The following SERPINF1 variants were observed in gnomAD, a reference collection of about 807,000 sequenced individuals.
SERPINF1 encodes the protein pigment epithelium-derived factor.
A neutral mutation model predicts 37.3 loss-of-function variants in SERPINF1; 29 were observed. That is an observed-to-expected ratio of 0.78 (90% CI 0.58 to 1.06). The LOEUF is 1.06. SERPINF1 is among the 50% of genes least tolerant of loss of function. The pLI, the probability that SERPINF1 is intolerant of heterozygous loss-of-function variation, is 0.00. For synonymous variants in SERPINF1, 281 were observed against 227.9 expected (o/e 1.23, Z -2.10); for missense variants, 553 against 532.2 (o/e 1.04, Z -0.38).
rs12103619 is a variant in SERPINF1 at position 1,777,483 on chromosome 17, C to G, written c.*37C>G. On this transcript the variant is annotated 3_prime_UTR_variant, in exon 8 of 8. Coordinates refer to ENST00000254722, the MANE Select transcript of SERPINF1 (RefSeq NM_002615.7). ...AATATTCCAATACCCTAGAAGAAAACCCGAGGGACAGCAGATTCCACAGGA... is the reference window on the plus strand; with the variant it reads ...AATATTCCAATACCCTAGAAGAAAAGCCGAGGGACAGCAGATTCCACAGGA... 2.8e-4 allele frequency: 447 copies of G among 1,613,486 alleles called. No individual in the cohort carries two copies. In the African/African-American group the frequency reaches 5.2e-3, roughly 19 times the overall value.
At chr17:1,764,001 G>A (rs1314054872) in intron 1 of SERPINF1, among the ~76,000 whole-genome samples, 1 of 152,226 alleles carries the variant, frequency 6.6e-6, no homozygotes, top group African/African-American at 2.4e-5. Flanking sequence ...TGGCCAACAC[G>A]GTGAAACCCC....
intron 6 of SERPINF1, 147 bp from the exon 7 acceptor site, chr17:1,776,384 TG>T: frequency 4.0e-6 from 3 of 756,744 alleles, no homozygotes; most frequent in Non-Finnish European, 7.0e-6. Flanking sequence ...AGCTATAACC[TG>T]GAAGGGGAAT....
At chr17:1,770,942 A>T in intron 3 of SERPINF1, 87 bp from the exon 4 acceptor site, 2 of 1,539,396 alleles carry the variant, frequency 1.3e-6, no homozygotes, top group Non-Finnish European at 1.8e-6. Context: ...GACAAAAAAG[A>T]TGAGTATAGT....
chr17:1,773,780 T>C (rs1168430236), intron 5 of SERPINF1, among the ~76,000 whole-genome samples: 2 of 152,172 alleles, frequency 1.3e-5, no homozygotes, highest in African/African-American at 2.4e-5. Context: ...TTGGAGCTTG[T>C]TCCACGGGTC....
chr17:1,769,934 C>A lies in SERPINF1; in HGVS notation c.167C>A (p.Ala56Glu). 1 of 1,614,194 alleles carries A rather than the reference C, an allele frequency of 6.2e-7. No homozygotes were observed. The highest frequency in any genetic ancestry group is 8.5e-7 in the Non-Finnish European group (1 of 1,180,040). ...AAAGTCCCCGTGAACAAGCTGGCAG[C>A]GGCTGTCTCCAACTTCGGCTATGAC... Reference protein sequence around the residue: ...FFKVPVNKLAAAVSNFGYDLY... With the variant: ...FFKVPVNKLAEAVSNFGYDLY... The change falls in exon 3 of 8, where the codon GCG (alanine) becomes GAG (glutamate). Residue 56 changes from alanine (A) to glutamate (E), a missense_variant. Coordinates refer to ENST00000254722, the MANE Select transcript of SERPINF1 (RefSeq NM_002615.7).
chr17:1,768,299 G>C (rs986610643), intron 2 of SERPINF1, among the ~76,000 whole-genome samples: 15 of 151,486 alleles, frequency 9.9e-5, no homozygotes, highest in East Asian at 3.9e-4. Flanking sequence ...GGTGTGGTGG[G>C]GGGCGCCTGT....
At chr17:1,775,312 G>C (rs1250428838) in intron 6 of SERPINF1, 112 bp downstream of exon 6, 1 of 1,112,646 alleles carries the variant, frequency 9.0e-7, no homozygotes, top group East Asian at 2.4e-5. Context: ...TCTACATGTC[G>C]CCTGCTGTGT....
intron 7 of SERPINF1, 26 bp downstream of exon 7, chr17:1,776,768 T>C (rs1908059904): frequency 1.9e-6 from 3 of 1,608,996 alleles, no homozygotes; most frequent in Non-Finnish European, 2.6e-6. Context: ...CTTTCGCTCT[T>C]GGTGGGTGGA....
chr17:1,774,115 A>T (rs1328024288), intron 5 of SERPINF1, among the ~76,000 whole-genome samples: 1 of 152,142 alleles, frequency 6.6e-6, no homozygotes, highest in Non-Finnish European at 1.5e-5. Flanking sequence ...AATCCAGAGG[A>T]CCTCAGAGGT....
At chr17:1,767,083 A>G in intron 2 of SERPINF1, 89 bp downstream of exon 2, 3 of 1,164,168 alleles carry the variant, frequency 2.6e-6, no homozygotes, top group South Asian at 1.4e-5. Context: ...ACCCGGACCC[A>G]GGTTCCAGGC....
intron 4 of SERPINF1, chr17:1,771,574 G>T (rs964222903): frequency 2.7e-5 from 13 of 481,328 alleles, no homozygotes; most frequent in Non-Finnish European, 4.9e-5. Flanking sequence ...CCCAGGCCTG[G>T]CCTGGCACTG....
At position 1,762,068 on chromosome 17, in the gene SERPINF1, G is replaced by C. The variant is rs1235015122; in HGVS notation, c.-54G>C. 6.6e-6 allele frequency: 1 copy of C among 152,508 alleles called. No homozygotes were observed. The highest frequency in any genetic ancestry group is 1.9e-4 in the East Asian group (1 of 5,222). The allele number at this position is 152,508 out of a possible 1,614,324, so 9.4% of individuals were successfully genotyped here. ...CTGGCTGGAGCCCCCTCAGTGTGCA[G>C]GCTTAGAGGGACTAGGCTGGGTGTG... On this transcript the variant is annotated 5_prime_UTR_variant, in exon 1 of 8. Coordinates refer to ENST00000254722, the MANE Select transcript of SERPINF1 (RefSeq NM_002615.7).
In SERPINF1 at chr17:1,776,729, C is replaced by T; in HGVS notation, c.984C>T (p.Ser328=). The T allele has an allele frequency of 6.2e-7, 1 of 1,612,902 alleles. No homozygotes were observed. The highest frequency in any genetic ancestry group is 8.5e-7 in the Non-Finnish European group (1 of 1,179,562). The change falls in exon 7 of 8, where the codon TCC becomes TCT. Residue 328 remains serine, a synonymous_variant. Transcript: ENST00000254722. ...GTTATGAAGGCGAAGTCACCAAGTC[C>T]CTGCAGGAGATGAGTATGTCTGAAG... The part of the protein sequence containing the change: ...KLSYEGEVTK[S]LQEMKLQSLF...
Position 1,771,990 on chromosome 17 carries a change from G to A in SERPINF1, c.558G>A (p.Ala186=), listed in dbSNP as rs537831302. ...AAGAGATCAACAACTGGGTGCAGGCGCAGATGAAAGGGAAGCTCGCCAGGT... is the reference window on the plus strand; with the variant it reads ...AAGAGATCAACAACTGGGTGCAGGCACAGATGAAAGGGAAGCTCGCCAGGT... ...DLQEINNWVQ[A]QMKGKLARST... The change falls in exon 5 of 8, where the codon GCG becomes GCA. Residue 186 remains alanine, a synonymous_variant. Coordinates refer to ENST00000254722, the MANE Select transcript of SERPINF1 (RefSeq NM_002615.7). 3.0e-5 allele frequency: 49 copies of A among 1,613,942 alleles called. No individual in the cohort carries two copies. The highest frequency in any genetic ancestry group is 1.6e-4 in the Middle Eastern group (1 of 6,062).
At chr17:1,764,988 CAT>C (rs1272208153) in intron 1 of SERPINF1, among the ~76,000 whole-genome samples, 2 of 149,768 alleles carry the variant, frequency 1.3e-5, no homozygotes, top group Non-Finnish European at 3.0e-5. Context: ...GGATTACAGG[CAT>C]GCGCCACCAC....
intron 5 of SERPINF1, among the ~76,000 whole-genome samples, chr17:1,772,725 A>T (rs947450878): frequency 3.4e-5 from 5 of 149,202 alleles, no homozygotes; most frequent in African/African-American, 1.2e-4. Context: ...CGCCCTACTA[A>T]TTTTTTGTAT....
rs1359933487 is a variant in SERPINF1 at position 1,775,280 on chromosome 17, GA to G, written c.786+81del. On this transcript the variant is annotated intron_variant, in intron 6 of 7. Transcript: ENST00000254722. ...CAAAACAGGGTAGTGGGAATAAAAT[GA>G]CCTTTGAGATCCGACAGCTGTCTAC... 3 of 1,439,046 alleles carry G rather than the reference GA, an allele frequency of 2.1e-6. No homozygotes were observed. In the Admixed American group the frequency reaches 5.6e-5, roughly 27 times the overall value. The allele number at this position is 1,439,046 out of a possible 1,614,324, so 89.1% of individuals were successfully genotyped here. A position where few individuals can be genotyped will look rare whatever the true frequency, so the allele number is the denominator to read the frequency against.
chr17:1,770,116 C>G (rs1023559442), intron 3 of SERPINF1, 66 bp downstream of exon 3: 1 of 1,552,886 alleles, frequency 6.4e-7, no homozygotes, highest in Non-Finnish European at 8.8e-7. Flanking sequence ...TCTGCGTAAA[C>G]GTGGCTGAGT....
chr17:1,771,778 A>G, intron 4 of SERPINF1, 94 bp from the exon 5 acceptor site: 1 of 1,225,606 alleles, frequency 8.2e-7, no homozygotes, highest in Admixed American at 1.8e-5. Flanking sequence ...GGGCCTGCTG[A>G]GCGCTAAACC....
Sources: gnomAD v4.1 joint callset for allele counts (sites outside exome capture counted in the v4.1 genomes callset) on GRCh38, gnomAD v4.1.1 for gene constraint, MANE v1.5 for transcripts, NCBI Gene and HGNC (gene_info 2026-07-23, HGNC 2026-07-21) for gene names.